The following SHQ1 variants were observed in gnomAD, a reference collection of about 807,000 sequenced individuals.
SHQ1 encodes protein SHQ1 homolog.
Under a neutral mutation model 53.8 loss-of-function variants are expected in SHQ1, and 49 were observed. The ratio of observed to expected loss-of-function variants is 0.91; its 90% CI spans 0.72 to 1.16. The LOEUF is 1.16. Among genes scored for constraint, SHQ1 ranks in the 50% most tolerant of loss-of-function variants. SHQ1 has a pLI of 0.00. For synonymous variants in SHQ1, 243 were observed against 251.0 expected (o/e 0.97, Z 0.30); for missense variants, 738 against 683.1 (o/e 1.08, Z -0.90).
rs78962426 is a variant in SHQ1, at chr3:72,806,012, A to G, written c.1060+6659T>C. 5.2e-3 allele frequency among the ~76,000 whole-genome samples: 782 copies of G among 150,220 alleles called. 10 individuals carry two copies. Among genetic ancestry groups the G allele is most frequent in the African/African-American group, 0.019 (752 of 39,600 alleles). On this transcript the variant is annotated intron_variant, in intron 9 of 10. Transcript: ENST00000325599. ...AAGAGATTCTATGGAGATGACTAGA[A>G]CTTGATATTCTTTCCTTTAATGTTT...
intron 10 of SHQ1, among the ~76,000 whole-genome samples, chr3:72,777,710 C>G (rs1055021471): frequency 6.6e-6 from 1 of 152,196 alleles, no homozygotes; most frequent in East Asian, 1.9e-4. Context: ...AGGTATAGGG[C>G]TTAACCAAAA....
the SHQ1 span, among the ~76,000 whole-genome samples, chr3:72,726,391 C>T: frequency 1.3e-5 from 2 of 152,058 alleles, no homozygotes; most frequent in Non-Finnish European, 2.9e-5. Context: ...AGCTCTGTCG[C>T]CCAGGTTGAG....
At chr3:72,735,552 T>A in the SHQ1 span, among the ~76,000 whole-genome samples, 2 of 139,340 alleles carry the variant, frequency 1.4e-5, no homozygotes, top group South Asian at 5.0e-4. Flanking sequence ...GAGTCCAGAG[T>A]CAGAGTGAGA....
intron 4 of SHQ1, among the ~76,000 whole-genome samples, chr3:72,833,155 A>G (rs1237484232): frequency 6.6e-6 from 1 of 152,166 alleles, no homozygotes; most frequent in East Asian, 1.9e-4. Context: ...AAAAGACTAC[A>G]TACAAGCTGG....
chr3:72,812,944 A>C, intron 8 of SHQ1, 150 bp from the exon 9 acceptor site: 1 of 823,724 alleles, frequency 1.2e-6, no homozygotes, highest in Non-Finnish European at 1.8e-6. Context: ...ACCATGAAAT[A>C]AGATTCTTTT....
At chr3:72,828,736 A>G (rs1435668569) in intron 5 of SHQ1, among the ~76,000 whole-genome samples, 1 of 152,130 alleles carries the variant, frequency 6.6e-6, no homozygotes, top group Non-Finnish European at 1.5e-5. Flanking sequence ...AGGTGGGGAA[A>G]TGCAAACATT....
intron 10 of SHQ1, among the ~76,000 whole-genome samples, chr3:72,767,514 C>T (rs976659553): frequency 3.3e-4 from 50 of 152,296 alleles, no homozygotes; most frequent in African/African-American, 1.1e-3. Flanking sequence ...AATAGTTTTA[C>T]GAGGTAGGGA....
intron 8 of SHQ1, chr3:72,814,407 G>A (rs1575716231): frequency 6.6e-6 from 1 of 152,348 alleles, no homozygotes; most frequent in East Asian, 1.9e-4. Context: ...TCCTGGTTCT[G>A]ATTCAGTGAG....
chr3:72,797,239 C>CT (rs1450841342), intron 9 of SHQ1, among the ~76,000 whole-genome samples: 1 of 152,062 alleles, frequency 6.6e-6, no homozygotes, highest in Non-Finnish European at 1.5e-5. Flanking sequence ...GCCTGCACGA[C>CT]TTGAGAGCGA....
chr3:72,815,102 C>A (rs1422237403), intron 8 of SHQ1, among the ~76,000 whole-genome samples: 1 of 152,082 alleles, frequency 6.6e-6, no homozygotes, highest in Non-Finnish European at 1.5e-5. Flanking sequence ...CACTCTGCCC[C>A]CACATTCTTT....
chr3:72,830,636 T>C (rs1161814421), intron 5 of SHQ1, among the ~76,000 whole-genome samples: 1 of 152,176 alleles, frequency 6.6e-6, no homozygotes, highest in Admixed American at 6.5e-5. Flanking sequence ...ACACAAAAAT[T>C]ACACTGAGCC....
intron 6 of SHQ1, among the ~76,000 whole-genome samples, chr3:72,824,193 T>G (rs1707572616): frequency 6.6e-6 from 1 of 152,208 alleles, no homozygotes; most frequent in South Asian, 2.1e-4. Context: ...ACTCCAATGA[T>G]TCTAAAGGAA....
At chr3:72,817,440 A>G (rs1707352967) in intron 6 of SHQ1, 56 bp from the exon 7 acceptor site, 4 of 1,484,404 alleles carry the variant, frequency 2.7e-6, no homozygotes, top group Non-Finnish European at 3.7e-6. Flanking sequence ...TAAAACTCCC[A>G]ATGGAAGATT....
At chr3:72,807,297 T>TA (rs1559681571) in intron 9 of SHQ1, among the ~76,000 whole-genome samples, 1 of 152,216 alleles carries the variant, frequency 6.6e-6, no homozygotes, top group East Asian at 1.9e-4. Context: ...AAAACCCTGG[T>TA]AGTTGTGTAA....
At chr3:72,839,282 A>G (rs1054336743) in intron 4 of SHQ1, among the ~76,000 whole-genome samples, 1 of 152,174 alleles carries the variant, frequency 6.6e-6, no homozygotes, top group African/African-American at 2.4e-5. Flanking sequence ...CATTCACTGT[A>G]GTTCCTGCTA....
At chr3:72,842,241 C>T (rs1559701752) in intron 3 of SHQ1, 39 bp downstream of exon 3, 1 of 1,601,510 alleles carries the variant, frequency 6.2e-7, no homozygotes, top group Admixed American at 1.7e-5. Flanking sequence ...CCAAATATTT[C>T]TATTTATCCT....
At chr3:72,814,383 G>A (rs1707240786) in intron 8 of SHQ1, 1 of 152,236 alleles carries the variant, frequency 6.6e-6, no homozygotes, top group Non-Finnish European at 1.5e-5. Flanking sequence ...ACTCCGTAGA[G>A]ATCTTGCTAC....
chr3:72,824,606 T>C lies in SHQ1; in HGVS notation c.600-55A>G. 3.9e-6 allele frequency: 6 copies of C among 1,549,836 alleles called. No homozygotes were observed. In the South Asian group the frequency reaches 6.2e-5, roughly 16 times the overall value. On this transcript the variant is annotated intron_variant, in intron 5 of 10. Transcript: ENST00000325599. Reference sequence around the variant, plus strand: ...TACAGGATTTCACTGGCTTTTACTTTTTAACATTTTATCTTAACTCATATT... The same window carrying C: ...TACAGGATTTCACTGGCTTTTACTTCTTAACATTTTATCTTAACTCATATT...
At chr3:72,750,924 T>G in intron 10 of SHQ1, 88 bp from the exon 11 acceptor site, 1 of 1,112,810 alleles carries the variant, frequency 9.0e-7, no homozygotes, top group Non-Finnish European at 1.2e-6. Context: ...AAAATAAAGT[T>G]GAATCCATAT....
Sources: allele counts gnomAD v4.1 joint callset (sites outside exome capture counted in the v4.1 genomes callset), GRCh38; gene constraint gnomAD v4.1.1; transcripts MANE v1.5; gene names NCBI Gene and HGNC (gene_info 2026-07-23, HGNC 2026-07-21).